The following FAAH2 variants were observed in gnomAD, a reference collection of about 807,000 sequenced individuals.
FAAH2 encodes the protein fatty-acid amide hydrolase 2.
FAAH2 carries 60 observed loss-of-function variants against 36.9 expected under a neutral mutation model. The ratio of observed to expected loss-of-function variants is 1.63; its 90% CI spans 1.32 to 2.02. The LOEUF (loss-of-function observed/expected upper bound fraction) is 2.02, where lower values mean the gene tolerates loss of function less well. Among genes scored for constraint, FAAH2 ranks in the 30% most tolerant of loss-of-function variants. FAAH2 has a pLI of 0.00. For synonymous variants in FAAH2, 214 were observed against 143.8 expected (o/e 1.49, Z -3.49); for missense variants, 689 against 397.5 (o/e 1.73, Z -6.23).
At chrX:57,237,730 A>T in the FAAH2 span, among the ~76,000 whole-genome samples, 1 of 111,458 alleles carries the variant, frequency 9.0e-6, no homozygotes, top group Non-Finnish European at 1.9e-5. Context: ...AATGAAATAA[A>T]TTTTTTGGAA....
the FAAH2 span, among the ~76,000 whole-genome samples, chrX:57,178,117 T>A: frequency 9.0e-6 from 1 of 111,299 alleles, no homozygotes; most frequent in Non-Finnish European, 1.9e-5. Context: ...CTCCTAGCAG[T>A]GGGTCCCAGC....
At chrX:57,153,916 C>G in the FAAH2 span, among the ~76,000 whole-genome samples, 1 of 112,345 alleles carries the variant, frequency 8.9e-6, no homozygotes, top group African/African-American at 3.2e-5. Flanking sequence ...TGTAGCAATG[C>G]CAGGGATGTT....
chrX:57,233,151 T>C, the FAAH2 span, among the ~76,000 whole-genome samples: 1 of 111,927 alleles, frequency 8.9e-6, no homozygotes, highest in African/African-American at 3.2e-5. Context: ...CCAGGGGCTT[T>C]TTCTTCTACT....
At chrX:57,421,496 G>T (rs2056025901) in intron 7 of FAAH2, among the ~76,000 whole-genome samples, 1 of 111,501 alleles carries the variant, frequency 9.0e-6, no homozygotes, top group African/African-American at 3.3e-5. Context: ...TGCCAGTATG[G>T]TCAGGTTTTG....
intron 4 of FAAH2, among the ~76,000 whole-genome samples, chrX:57,334,018 AG>A (rs1246263792): frequency 1.8e-5 from 2 of 111,126 alleles, no homozygotes; most frequent in African/African-American, 6.5e-5. Context: ...AAGAGATGGG[AG>A]TCCACTTTGG....
At chrX:57,463,203 G>A (rs1189216967) in intron 10 of FAAH2, among the ~76,000 whole-genome samples, 1 of 111,433 alleles carries the variant, frequency 9.0e-6, no homozygotes, top group Non-Finnish European at 1.9e-5. Context: ...TGGATAGGAA[G>A]AATCAATATC....
the FAAH2 span, among the ~76,000 whole-genome samples, chrX:57,233,060 C>T: frequency 3.6e-5 from 4 of 112,330 alleles, no homozygotes; most frequent in Non-Finnish European, 7.5e-5. Flanking sequence ...GATTCCTCCT[C>T]TGCTCATGAG....
At chrX:57,276,655 C>A in the FAAH2 span, among the ~76,000 whole-genome samples, 1 of 110,763 alleles carries the variant, frequency 9.0e-6, no homozygotes, top group Non-Finnish European at 1.9e-5. Flanking sequence ...ATGAAAAGAT[C>A]AACAAAATTG....
the FAAH2 span, among the ~76,000 whole-genome samples, chrX:57,194,587 T>A: frequency 2.7e-3 from 303 of 111,483 alleles, no homozygotes; most frequent in African/African-American, 9.2e-3. Flanking sequence ...TTTATTTATT[T>A]ATTTATTTTT....
At chrX:57,258,026 G>C in the FAAH2 span, among the ~76,000 whole-genome samples, 2 of 111,567 alleles carry the variant, frequency 1.8e-5, no homozygotes, top group Non-Finnish European at 3.8e-5. Context: ...AGTTGCATCC[G>C]AGTTGCTGAT....
intron 10 of FAAH2, among the ~76,000 whole-genome samples, chrX:57,475,252 T>C (rs767379498): frequency 2.2e-4 from 25 of 112,056 alleles, no homozygotes; most frequent in African/African-American, 6.1e-4. Flanking sequence ...TGGTGTTTTA[T>C]TCATGAAGTA....
At chrX:57,164,919 A>T in the FAAH2 span, among the ~76,000 whole-genome samples, 1 of 112,521 alleles carries the variant, frequency 8.9e-6, no homozygotes, top group African/African-American at 3.2e-5. Context: ...CCATTCCCAA[A>T]TTCAGGTTGG....
the FAAH2 span, among the ~76,000 whole-genome samples, chrX:57,218,751 G>C: frequency 8.9e-6 from 1 of 111,897 alleles, no homozygotes; most frequent in Non-Finnish European, 1.9e-5. Flanking sequence ...TATATATCTT[G>C]TGGAATAATG....
rs191206262 is a variant in FAAH2 at position 57,296,208 on chromosome X, G to T, written c.275+3628G>T. On this transcript the variant is annotated intron_variant, in intron 2 of 10. Transcript: ENST00000374900. ...CTAACTGGGAGGCACCCCTCAGTAGGGCCAGACTGACACCTCACATTGCCC... is the reference window on the plus strand; with the variant it reads ...CTAACTGGGAGGCACCCCTCAGTAGTGCCAGACTGACACCTCACATTGCCC... 4.0e-4 allele frequency among the ~76,000 whole-genome samples: 45 copies of T among 111,604 alleles called. No individual in the cohort carries two copies. The Admixed American group carries it at 4.1e-3, about 10-fold the overall frequency.
chrX:57,412,309 G>A (rs747025553), intron 7 of FAAH2, among the ~76,000 whole-genome samples: 120 of 111,355 alleles, frequency 1.1e-3, no homozygotes, highest in African/African-American at 3.8e-3. Context: ...TGCCATGGTG[G>A]TTTGCTGCAC....
chrX:57,287,260 C>T (rs1301307560), intron 1 of FAAH2, among the ~76,000 whole-genome samples: 2 of 110,979 alleles, frequency 1.8e-5, no homozygotes, highest in Admixed American at 1.9e-4. Flanking sequence ...TCCATTTGTC[C>T]TATTTGTGCA....
chrX:57,476,133 C>A (rs1203000702), intron 10 of FAAH2, among the ~76,000 whole-genome samples: 1 of 111,577 alleles, frequency 9.0e-6, no homozygotes, highest in Admixed American at 9.6e-5. Flanking sequence ...ACAATAACGT[C>A]ATCTGCAAAC....
At chrX:57,478,274 T>G (rs1053239630) in intron 10 of FAAH2, among the ~76,000 whole-genome samples, 5 of 111,841 alleles carry the variant, frequency 4.5e-5, no homozygotes, top group South Asian at 3.8e-4. Flanking sequence ...TTTTTTGGCT[T>G]CATAAATGTC....
intron 4 of FAAH2, among the ~76,000 whole-genome samples, chrX:57,336,079 C>T (rs1013942788): frequency 6.2e-4 from 69 of 111,446 alleles, no homozygotes; most frequent in African/African-American, 2.0e-3. Flanking sequence ...ATCATATCCC[C>T]TGTGACCTGC....
Sources: gnomAD v4.1 joint callset for allele counts (sites outside exome capture counted in the v4.1 genomes callset) on GRCh38, gnomAD v4.1.1 for gene constraint, MANE v1.5 for transcripts, NCBI Gene and HGNC (gene_info 2026-07-23, HGNC 2026-07-21) for gene names.